IGF2BP1: variants seen among roughly 807,000 people sequenced by gnomAD.
The protein encoded by IGF2BP1 is insulin-like growth factor 2 mRNA-binding protein 1.
Under a neutral mutation model 74.9 loss-of-function variants are expected in IGF2BP1, and 11 were observed. The observed-to-expected ratio is 0.15, with a 90% confidence interval of 0.09 to 0.24. IGF2BP1 has a LOEUF of 0.24. Among genes scored for constraint, IGF2BP1 ranks in the 10% least tolerant of loss-of-function variants. The probability of loss-of-function intolerance (pLI) is 1.00; values close to 1 mark genes in which losing one functional copy is unlikely to be tolerated. For synonymous variants in IGF2BP1, 287 were observed against 281.8 expected, an observed-to-expected ratio of 1.02 and a Z score of -0.18; for missense variants, 440 against 757.4, an observed-to-expected ratio of 0.58 and a Z score of 4.92.
chr17:49,037,361 GA>G, intron 5 of IGF2BP1: 1 of 502,262 alleles, frequency 2.0e-6, no homozygotes, highest in Non-Finnish European at 3.7e-6. Flanking sequence ...TGGAATACCT[GA>G]AGGAAGGAAG....
chr17:49,000,310 C>T (rs1215641441), intron 2 of IGF2BP1, among the ~76,000 whole-genome samples: 1 of 151,890 alleles, frequency 6.6e-6, no homozygotes, highest in Admixed American at 6.6e-5. Flanking sequence ...TTCTGGGGGA[C>T]CATTAAGAGG....
intron 7 of IGF2BP1, among the ~76,000 whole-genome samples, chr17:49,041,040 G>A (rs971737255): frequency 5.3e-5 from 8 of 152,194 alleles, no homozygotes; most frequent in African/African-American, 1.7e-4. Context: ...TCAGCTGGAC[G>A]TGGCGGCCTG....
At chr17:49,026,678 T>G (rs550747800) in intron 4 of IGF2BP1, among the ~76,000 whole-genome samples, 161 bp downstream of exon 4, 3 of 31,068 alleles carry the variant, frequency 9.7e-5, no homozygotes, top group East Asian at 8.2e-4. Context: ...CCTTCCTTCC[T>G]GCCTTCCTGC....
chr17:49,018,902 T>G, intron 2 of IGF2BP1, among the ~76,000 whole-genome samples: 1 of 152,122 alleles, frequency 6.6e-6, no homozygotes, highest in Non-Finnish European at 1.5e-5. Context: ...GGTTCTAATC[T>G]GAAGATCCTG....
At chr17:49,048,044 GCACT>G (rs1211046235) in intron 14 of IGF2BP1, among the ~76,000 whole-genome samples, 1 of 152,028 alleles carries the variant, frequency 6.6e-6, no homozygotes, top group Non-Finnish European at 1.5e-5. Context: ...AGGAAAGGAA[GCACT>G]CATTTATGGA....
At chr17:49,040,372 C>T (rs2042037029) in intron 7 of IGF2BP1, among the ~76,000 whole-genome samples, 1 of 152,198 alleles carries the variant, frequency 6.6e-6, no homozygotes. Context: ...TGCACCACCA[C>T]GCCTGCCTAG....
intron 5 of IGF2BP1, among the ~76,000 whole-genome samples, chr17:49,034,432 T>A (rs1028851522): frequency 3.3e-5 from 5 of 151,462 alleles, no homozygotes; most frequent in African/African-American, 4.8e-5. Flanking sequence ...TTTTTTTTTT[T>A]AAACCTCAAA....
At chr17:48,998,071 C>T (rs1298950431) in intron 1 of IGF2BP1, 151 bp downstream of exon 1, 30 of 721,498 alleles carry the variant, frequency 4.2e-5, no homozygotes, top group Non-Finnish European at 1.3e-5. Context: ...CCCTTCGATG[C>T]CCCCTCCCTC....
intron 2 of IGF2BP1, among the ~76,000 whole-genome samples, chr17:49,000,658 G>C (rs143947727): frequency 3.3e-5 from 5 of 152,290 alleles, no homozygotes; most frequent in African/African-American, 1.2e-4. Flanking sequence ...AAAATATCCA[G>C]AATAAGTGGA....
At chr17:49,011,554 G>A (rs1335138161) in intron 2 of IGF2BP1, among the ~76,000 whole-genome samples, 1 of 152,032 alleles carries the variant, frequency 6.6e-6, no homozygotes, top group Non-Finnish European at 1.5e-5. Flanking sequence ...TATTTCCAAA[G>A]TTGAGCTCTC....
Position 49,038,463 on chromosome 17 carries a change from C to T in IGF2BP1, c.683+14C>T. The stretch of plus-strand genomic sequence containing the variant: ...GACCCAGTCCAAGTGAGTCTTGGCT[C>T]TTGGGGAATGGAGGTTGGGTGCTAG... On this transcript the variant is annotated intron_variant, in intron 6 of 14. Transcript: ENST00000290341. The T allele has an allele frequency of 6.8e-7, 1 of 1,466,208 alleles. No individual in the cohort carries two copies. The allele number at this position is 1,466,208 out of a possible 1,614,324, so 90.8% of individuals were successfully genotyped here.
chr17:49,035,657 G>A (rs2041978045), intron 5 of IGF2BP1, among the ~76,000 whole-genome samples: 1 of 152,176 alleles, frequency 6.6e-6, no homozygotes, highest in Admixed American at 6.5e-5. Flanking sequence ...GGGGCACCTG[G>A]GAACGGGGAT....
intron 5 of IGF2BP1, 108 bp from the exon 6 acceptor site, chr17:49,038,060 T>C: frequency 9.8e-7 from 1 of 1,022,284 alleles, no homozygotes; most frequent in Non-Finnish European, 1.3e-6. Context: ...TATCTCCTTT[T>C]CTTTAGTGTG....
intron 9 of IGF2BP1, among the ~76,000 whole-genome samples, chr17:49,043,145 C>T (rs901979357): frequency 6.6e-6 from 1 of 152,188 alleles, no homozygotes; most frequent in African/African-American, 2.4e-5. Flanking sequence ...GCAGTCTGAA[C>T]AGCCAGAGAG....
At chr17:49,048,499 C>T (rs1456105568) in intron 14 of IGF2BP1, among the ~76,000 whole-genome samples, 1 of 151,796 alleles carries the variant, frequency 6.6e-6, no homozygotes, top group Non-Finnish European at 1.5e-5. Context: ...GTGATTCACC[C>T]GCCTCAGCTC....
intron 5 of IGF2BP1, among the ~76,000 whole-genome samples, chr17:49,035,467 G>A (rs1277025893): frequency 6.6e-6 from 1 of 152,236 alleles, no homozygotes; most frequent in Non-Finnish European, 1.5e-5. Flanking sequence ...TCCTAATTCA[G>A]TTATCTTTGC....
chr17:49,042,769 T>A (rs1212993787), intron 9 of IGF2BP1, among the ~76,000 whole-genome samples: 1 of 152,124 alleles, frequency 6.6e-6, no homozygotes, highest in Admixed American at 6.6e-5. Flanking sequence ...CTTGACCCCC[T>A]GGGCTCAAGG....
chr17:49,010,507 G>A (rs1379578846), intron 2 of IGF2BP1, among the ~76,000 whole-genome samples: 11 of 151,542 alleles, frequency 7.3e-5, no homozygotes, highest in South Asian at 2.1e-4. Flanking sequence ...TAGTAGAGAC[G>A]GGGTTTCACT....
chr17:48,997,609 C>T lies in IGF2BP1; in HGVS notation c.-137C>T. 1.1e-6 allele frequency: 1 copy of T among 919,956 alleles called. No individual in the cohort carries two copies. Among genetic ancestry groups the T allele is most frequent in the South Asian group, 1.7e-5 (1 of 59,426 alleles). 57.0% of individuals were successfully genotyped at this position (919,956 alleles called of 1,614,324 possible). A position where few individuals can be genotyped will look rare whatever the true frequency, so the allele number is the denominator to read the frequency against. ...CGCCTTCCCCGCCCTGGGCTCGGGA[C>T]AACTTCTGGGGTGGGGTGCAAAGAA... On this transcript the variant is annotated 5_prime_UTR_variant, in exon 1 of 15. Transcript: ENST00000290341. This position sits in a 1 kb window ranked among gnomAD's most constrained non-coding sequence, Gnocchi z 4.8.
Sources: gnomAD v4.1 joint callset for allele counts (sites outside exome capture counted in the v4.1 genomes callset) on GRCh38, gnomAD v4.1.1 for gene constraint, Gnocchi (gnomAD v3.1) non-coding constraint, MANE v1.5 for transcripts, NCBI Gene and HGNC (gene_info 2026-07-23, HGNC 2026-07-21) for gene names.